The following PIGK variants were observed in gnomAD, a reference collection of about 807,000 sequenced individuals.
The protein encoded by PIGK is GPI-anchor transamidase.
PIGK carries 42 observed loss-of-function variants against 50.6 expected under a neutral mutation model. The ratio of observed to expected loss-of-function variants is 0.83; its 90% confidence interval spans 0.65 to 1.07. The LOEUF (loss-of-function observed/expected upper bound fraction) is 1.07. Ranked by LOEUF, PIGK falls within the 50% of genes least tolerant of loss-of-function variation. The pLI, the probability that PIGK is intolerant of heterozygous loss-of-function variation, is 0.00. For synonymous variants in PIGK, 151 were observed against 156.0 expected (o/e 0.97, Z 0.24); for missense variants, 448 against 488.7 (o/e 0.92, Z 0.78).
chr1:77,174,886 C>T (rs1655447970), intron 3 of PIGK, among the ~76,000 whole-genome samples: 1 of 151,634 alleles, frequency 6.6e-6, no homozygotes, highest in Admixed American at 6.6e-5. Flanking sequence ...ACCTTAAAAA[C>T]TGGCAAATAA....
At chr1:77,171,840 A>C (rs1570240271) in intron 3 of PIGK, among the ~76,000 whole-genome samples, 1 of 152,266 alleles carries the variant, frequency 6.6e-6, no homozygotes. Flanking sequence ...CCAAGTGTTA[A>C]ATTATTTATA....
At chr1:77,215,662 T>A (rs1023787640) in intron 1 of PIGK, among the ~76,000 whole-genome samples, 11 of 152,166 alleles carry the variant, frequency 7.2e-5, no homozygotes, top group African/African-American at 2.7e-4. Flanking sequence ...AGATATAGCA[T>A]CAACCTGAGT....
At chr1:77,130,857 T>C (rs1654357901) in intron 9 of PIGK, among the ~76,000 whole-genome samples, 1 of 152,058 alleles carries the variant, frequency 6.6e-6, no homozygotes. Flanking sequence ...TACAAACCTC[T>C]CCACATCTGT....
chr1:77,137,521 T>C (rs1271855977), intron 9 of PIGK, among the ~76,000 whole-genome samples: 1 of 152,232 alleles, frequency 6.6e-6, no homozygotes, highest in African/African-American at 2.4e-5. Flanking sequence ...TGCCTCATCA[T>C]TCTTTATCAT....
chr1:77,111,954 CA>C (rs539988539), intron 10 of PIGK, among the ~76,000 whole-genome samples: 19 of 151,934 alleles, frequency 1.3e-4, no homozygotes, highest in Admixed American at 1.2e-3. Flanking sequence ...TACACAAAAT[CA>C]AATAATTAAA....
In PIGK at chr1:77,163,932, T is replaced by G. The variant is rs769171158; in HGVS notation, c.498A>C (p.Gly166=). The change falls in exon 6 of 11, where the codon GGA becomes GGC. Residue 166 remains glycine (G), a synonymous_variant. Coordinates refer to ENST00000370812, the MANE Select transcript of PIGK (RefSeq NM_005482.3). ...NILIYMTGHG[G]NGFLKFQDSE... is the part of the protein sequence containing the mutation. ...AATCTTGAAATTTTAAGAAACCATT[T>G]CCACCATGCCCTTGTATAAAGAGTA... The G allele has an allele frequency of 3.8e-6, 6 of 1,592,360 alleles. No individual in the cohort carries two copies. The highest frequency in any genetic ancestry group is 5.2e-6 in the Non-Finnish European group (6 of 1,162,022).
At chr1:77,132,117 C>T (rs180975289) in intron 9 of PIGK, among the ~76,000 whole-genome samples, 2 of 152,018 alleles carry the variant, frequency 1.3e-5, no homozygotes, top group Admixed American at 1.3e-4. Flanking sequence ...TTACGTTAGC[C>T]ACCTCCAAAG....
chr1:77,092,542 A>C, intron 10 of PIGK, 52 bp from the exon 11 acceptor site: 1 of 946,948 alleles, frequency 1.1e-6, no homozygotes, highest in Non-Finnish European at 1.7e-6. Flanking sequence ...ATAATTCAGC[A>C]ATCAATAAAG....
chr1:77,206,647 G>A lies in PIGK; in HGVS notation c.232C>T (p.Pro78Ser). The A allele has an allele frequency of 6.3e-7, 1 of 1,584,026 alleles. No individual in the cohort carries two copies. Among genetic ancestry groups the A allele is most frequent in the East Asian group, 2.2e-5 (1 of 44,628 alleles). Residue 78 changes from proline to serine, a missense_variant, in exon 3 of 11, where the codon CCT becomes TCT. Transcript: ENST00000370812. ...VYRSVKRLGI[P>S]DSHIVLMLAD... The stretch of plus-strand genomic sequence containing the variant: ...TTTATTAAGGCTTCTTACCTGTCAG[G>A]AATACCTAGCCTCTTGACACTTCTA...
intron 8 of PIGK, among the ~76,000 whole-genome samples, chr1:77,159,683 GA>G (rs1328819025): frequency 1.3e-5 from 2 of 152,184 alleles, no homozygotes; most frequent in Non-Finnish European, 2.9e-5. Context: ...AAGGTTTAAT[GA>G]CTGCCCTATT....
chr1:77,148,994 C>T (rs1432601397), intron 9 of PIGK, among the ~76,000 whole-genome samples: 2 of 151,992 alleles, frequency 1.3e-5, no homozygotes, highest in Non-Finnish European at 2.9e-5. Context: ...GGATTACAGG[C>T]GTGAGCCACC....
chr1:77,137,052 T>C (rs1322506436), intron 9 of PIGK, among the ~76,000 whole-genome samples: 2 of 152,220 alleles, frequency 1.3e-5, no homozygotes, highest in Non-Finnish European at 2.9e-5. Flanking sequence ...CCTTGAATTT[T>C]ACTTGGATTT....
intron 10 of PIGK, among the ~76,000 whole-genome samples, chr1:77,116,054 A>G (rs535954559): frequency 6.6e-6 from 1 of 152,304 alleles, no homozygotes; most frequent in Admixed American, 6.5e-5. Context: ...TGAGTAAGTT[A>G]AAGTTTTTTA....
At chr1:77,135,534 G>A (rs969925904) in intron 9 of PIGK, among the ~76,000 whole-genome samples, 4 of 151,712 alleles carry the variant, frequency 2.6e-5, no homozygotes, top group African/African-American at 9.7e-5. Context: ...CTGTAGTTAT[G>A]CCTCTTTTTA....
At chr1:77,184,497 G>GT (rs1655695405) in intron 3 of PIGK, among the ~76,000 whole-genome samples, 1 of 152,162 alleles carries the variant, frequency 6.6e-6, no homozygotes, top group South Asian at 2.1e-4. Context: ...CTTTACCAGA[G>GT]TAACTGTGCA....
rs185022166 is a variant in PIGK at position 77,196,254 on chromosome 1, T to C, written c.239+10386A>G. On this transcript the variant is annotated intron_variant, in intron 3 of 10. Transcript: ENST00000370812. ...TTGATGGGCATGTAGGTTTATTCTATGTCTTTGCTATTGTAAACAGTGCTG... is the reference window on the plus strand; with the variant it reads ...TTGATGGGCATGTAGGTTTATTCTACGTCTTTGCTATTGTAAACAGTGCTG... Among the ~76,000 whole-genome samples the C allele has an allele frequency of 1.2e-4, 19 of 152,314 alleles. 1 individual carries two copies. Among genetic ancestry groups the C allele is most frequent in the African/African-American group, 4.3e-4 (18 of 41,578 alleles).
chr1:77,124,252 A>C (rs919100464), intron 9 of PIGK, among the ~76,000 whole-genome samples: 4 of 152,176 alleles, frequency 2.6e-5, no homozygotes, highest in African/African-American at 4.8e-5. Context: ...CCAAAAAAAA[A>C]CACAACTTGC....
In PIGK at chr1:77,219,381, T is replaced by G. The variant is rs1226472325; in HGVS notation, c.22A>C (p.Ser8Arg). 1.2e-6 allele frequency: 2 copies of G among 1,613,652 alleles called. No homozygotes were observed. Among genetic ancestry groups the G allele is most frequent in the African/African-American group, 2.7e-5 (2 of 75,030 alleles). MAVTDSL[S>R]RAATVLATVL... is the part of the protein sequence containing the mutation. ...GTTGCCAAGACAGTCGCAGCCCGGCTGAGGCTGTCGGTGACGGCCATGTTT... is the reference window on the plus strand; with the variant it reads ...GTTGCCAAGACAGTCGCAGCCCGGCGGAGGCTGTCGGTGACGGCCATGTTT... Residue 8 changes from serine (S) to arginine (R), a missense_variant, in exon 1 of 11, where the codon AGC becomes CGC. Physicochemically the swap from Ser to Arg is moderately radical, Grantham distance 110. Coordinates refer to ENST00000370812, the MANE Select transcript of PIGK (RefSeq NM_005482.3).
intron 3 of PIGK, among the ~76,000 whole-genome samples, chr1:77,200,007 C>A (rs1656124735): frequency 6.6e-6 from 1 of 152,022 alleles, no homozygotes; most frequent in African/African-American, 2.4e-5. Flanking sequence ...AACAAATCAA[C>A]AAATGAAAAT....
Sources: gnomAD v4.1 joint callset for allele counts (sites outside exome capture counted in the v4.1 genomes callset) on GRCh38, gnomAD v4.1.1 for gene constraint, MANE v1.5 for transcripts, NCBI Gene and HGNC (gene_info 2026-07-23, HGNC 2026-07-21) for gene names.